COXFA4L2: variants seen among roughly 807,000 people sequenced by gnomAD.
COXFA4L2 encodes the protein NADH dehydrogenase (ubiquinone) 1 alpha subcomplex, 4-like 2.
At chr12:57,236,605 C>A in the COXFA4L2 span, 1 of 1,582,362 alleles carries the variant, frequency 6.3e-7, no homozygotes, top group Non-Finnish European at 8.6e-7. Context: ...GACGTCGGGG[C>A]TGCGAAGGGC....
chr12:57,237,202 C>G, the COXFA4L2 span: 1 of 1,585,112 alleles, frequency 6.3e-7, no homozygotes, highest in Non-Finnish European at 8.6e-7. Context: ...CTTGGCCCAG[C>G]CCGTGCTTCT....
At chr12:57,236,180 C>T in the COXFA4L2 span, 15 of 325,422 alleles carry the variant, frequency 4.6e-5, no homozygotes, top group African/African-American at 2.8e-4. Context: ...GCCATGGGTG[C>T]GCCTTTCACT....
At chr12:57,237,398 A>C in the COXFA4L2 span, 1 of 1,288,184 alleles carries the variant, frequency 7.8e-7, no homozygotes. Flanking sequence ...CCTCAGTGGC[A>C]TAGGACCCCA....
At chr12:57,239,406 C>T in the COXFA4L2 span, 1 of 152,392 alleles carries the variant, frequency 6.6e-6, no homozygotes. The surrounding 1 kb of genome is among the most constrained non-coding windows in gnomAD (Gnocchi z 5.5). Flanking sequence ...AGCCTCCACT[C>T]TTCTGGTGTG....
At chr12:57,239,266 T>C in the COXFA4L2 span, among the ~76,000 whole-genome samples, 10 of 152,188 alleles carry the variant, frequency 6.6e-5, no homozygotes, top group Non-Finnish European at 1.5e-4. This position sits in a 1 kb window ranked among gnomAD's most constrained non-coding sequence, Gnocchi z 5.5. Flanking sequence ...GAAGAGGCCT[T>C]GGGCACCCCC....
the COXFA4L2 span, chr12:57,237,705 C>G: frequency 3.8e-5 from 6 of 155,902 alleles, no homozygotes; most frequent in Non-Finnish European, 5.8e-5. Context: ...CTGGAAGAAC[C>G]AGGTGTATGT....
the COXFA4L2 span, chr12:57,235,280 G>C: frequency 1.8e-6 from 1 of 556,130 alleles, no homozygotes; most frequent in Admixed American, 3.1e-5. Flanking sequence ...CGGGTAGGAG[G>C]GCAGAGGGGC....
chr12:57,236,880 CAG>C, the COXFA4L2 span: 1 of 1,156,552 alleles, frequency 8.6e-7, no homozygotes, highest in South Asian at 1.3e-5. Context: ...TTGTGGGACA[CAG>C]GGACGTTTCG....
the COXFA4L2 span, chr12:57,237,151 C>T: frequency 6.2e-7 from 1 of 1,613,708 alleles, no homozygotes; most frequent in African/African-American, 1.3e-5. Context: ...GGGGTCCCGC[C>T]CCTGAGTGGG....
At chr12:57,235,268 C>G in the COXFA4L2 span, 2 of 533,704 alleles carry the variant, frequency 3.7e-6, no homozygotes, top group African/African-American at 3.8e-5. Context: ...CCCTTCGAGG[C>G]CCGGGTAGGA....
the COXFA4L2 span, chr12:57,237,322 C>T: frequency 3.5e-6 from 5 of 1,422,508 alleles, no homozygotes; most frequent in Non-Finnish European, 2.7e-6. Flanking sequence ...ACTCTCTCCT[C>T]CAGATGTCTG....
the COXFA4L2 span, among the ~76,000 whole-genome samples, chr12:57,238,331 T>G: frequency 6.6e-6 from 1 of 152,020 alleles, no homozygotes; most frequent in African/African-American, 2.4e-5. This position sits in a 1 kb window ranked among gnomAD's most constrained non-coding sequence, Gnocchi z 6.8. Context: ...GCTCTCCGCC[T>G]CACTCCGGCG....
chr12:57,238,892 T>G, the COXFA4L2 span, among the ~76,000 whole-genome samples: 1 of 152,204 alleles, frequency 6.6e-6, no homozygotes, highest in Non-Finnish European at 1.5e-5. The surrounding 1 kb of genome is among the most constrained non-coding windows in gnomAD (Gnocchi z 6.8). Flanking sequence ...TCTGTGAATT[T>G]ATTTCTAAGC....
the COXFA4L2 span, chr12:57,236,792 C>T: frequency 4.8e-6 from 5 of 1,042,354 alleles, no homozygotes; most frequent in African/African-American, 1.6e-5. Context: ...CTGGTGCTCC[C>T]TCCCTGGAAT....
the COXFA4L2 span, among the ~76,000 whole-genome samples, chr12:57,239,236 G>A: frequency 6.6e-6 from 1 of 152,256 alleles, no homozygotes; most frequent in Non-Finnish European, 1.5e-5. This position sits in a 1 kb window ranked among gnomAD's most constrained non-coding sequence, Gnocchi z 5.5. Context: ...CCTGGAGGCC[G>A]AGCGGCCCCC....
chr12:57,236,102 C>T, the COXFA4L2 span: 1 of 378,428 alleles, frequency 2.6e-6, no homozygotes, highest in South Asian at 1.1e-4. Context: ...ACCCTAAGAG[C>T]AGAGTCGTGG....
the COXFA4L2 span, chr12:57,236,530 G>A: frequency 2.9e-6 from 4 of 1,392,906 alleles, no homozygotes; most frequent in Non-Finnish European, 2.9e-6. Context: ...CACTAGGGCC[G>A]CCTATTTCCA....
chr12:57,237,283 T>C, the COXFA4L2 span: 1 of 1,437,828 alleles, frequency 7.0e-7, no homozygotes, highest in Admixed American at 2.8e-5. Flanking sequence ...AGGGGAATTG[T>C]CTGGGAGCCA....
At chr12:57,239,278 G>C in the COXFA4L2 span, among the ~76,000 whole-genome samples, 3 of 152,234 alleles carry the variant, frequency 2.0e-5, no homozygotes, top group Non-Finnish European at 4.4e-5. The surrounding 1 kb of genome is among the most constrained non-coding windows in gnomAD (Gnocchi z 5.5). Flanking sequence ...GGCACCCCCT[G>C]TCGGGCAGTG....
Sources: gnomAD v4.1 joint callset for allele counts (sites outside exome capture counted in the v4.1 genomes callset) on GRCh38, gnomAD v4.1.1 for gene constraint, Gnocchi (gnomAD v3.1) non-coding constraint, MANE v1.5 for transcripts, NCBI Gene and HGNC (gene_info 2026-07-23, HGNC 2026-07-21) for gene names.